The following FLYWCH1 variants were observed in gnomAD, a reference collection of about 807,000 sequenced individuals.
FLYWCH1 encodes the protein FLYWCH-type zinc finger-containing protein 1.
FLYWCH1 carries 75 observed loss-of-function variants against 66.4 expected under a neutral mutation model. The ratio of observed to expected loss-of-function variants is 1.13; its 90% CI spans 0.94 to 1.37. The LOEUF is 1.37. Ranked by LOEUF, FLYWCH1 falls within the 40% of genes most tolerant of loss-of-function variation. FLYWCH1 has a pLI of 0.00. For synonymous variants in FLYWCH1, 595 were observed against 429.9 expected, an observed-to-expected ratio of 1.38 and a Z score of -4.75; for missense variants, 1,334 against 1,001.8, an observed-to-expected ratio of 1.33 and a Z score of -4.48.
chr16:2,927,770 T>C (rs1171457773), intron 2 of FLYWCH1, among the ~76,000 whole-genome samples: 1 of 152,228 alleles, frequency 6.6e-6, no homozygotes, highest in Non-Finnish European at 1.5e-5. Flanking sequence ...CACCTATGGA[T>C]ATTTCTCGTC....
At position 2,929,745 on chromosome 16, in the gene FLYWCH1, A is replaced by G. The variant is rs1337165864; in HGVS notation, c.60A>G (p.Pro20=). The change falls in exon 3 of 10, where the codon CCA becomes CCG. Residue 20 remains proline (P), a synonymous_variant. Coordinates refer to ENST00000253928, the MANE Select transcript of FLYWCH1 (RefSeq NM_001308068.2). ...AGAGTGTGAAGGCCGGCCAGGAGCC[A>G]TCCCCCAAGCCAGGCACGGACGTCA... ...EGESVKAGQE[P]SPKPGTDVIP... 5 of 1,613,670 alleles carry G rather than the reference A, an allele frequency of 3.1e-6. No homozygotes were observed. Among genetic ancestry groups the G allele is most frequent in the African/African-American group, 1.3e-5 (1 of 74,896 alleles).
At chr16:2,946,424 C>T (rs1309218985) in intron 9 of FLYWCH1, among the ~76,000 whole-genome samples, 2 of 147,322 alleles carry the variant, frequency 1.4e-5, no homozygotes, top group African/African-American at 2.5e-5. Context: ...CAGGTTCAAG[C>T]GATTCTCCTC....
intron 2 of FLYWCH1, among the ~76,000 whole-genome samples, chr16:2,919,956 G>A (rs2070311746): frequency 6.6e-6 from 1 of 152,128 alleles, no homozygotes; most frequent in Non-Finnish European, 1.5e-5. Context: ...GTGGCCTCTG[G>A]TGGGGGCTTC....
At chr16:2,934,050 A>C in intron 6 of FLYWCH1, 71 bp downstream of exon 6, 3 of 1,431,698 alleles carry the variant, frequency 2.1e-6, no homozygotes, top group South Asian at 1.4e-5. Context: ...TTCCCTCTCC[A>C]TGCTGCGGCT....
chr16:2,919,552 C>T (rs1169223141), intron 2 of FLYWCH1, among the ~76,000 whole-genome samples: 1 of 152,104 alleles, frequency 6.6e-6, no homozygotes, highest in Non-Finnish European at 1.5e-5. Context: ...GCGTGAGCCA[C>T]CGCGTCTGGC....
At chr16:2,912,781 TG>T (rs1263220773) in intron 1 of FLYWCH1, among the ~76,000 whole-genome samples, 2 of 152,232 alleles carry the variant, frequency 1.3e-5, no homozygotes, top group Admixed American at 1.3e-4. Context: ...ATAACGGGTC[TG>T]ACGTAGTTGA....
In FLYWCH1 at chr16:2,934,462, C is replaced by T. The variant is rs138682529; in HGVS notation, c.1513+483C>T. 6.5e-4 allele frequency among the ~76,000 whole-genome samples: 99 copies of T among 152,352 alleles called. 1 individual carries two copies. The highest frequency in any genetic ancestry group is 2.4e-3 in the African/African-American group (98 of 41,586). On this transcript the variant is annotated intron_variant, in intron 6 of 9. Transcript: ENST00000253928. ...AACGCTGGCCCGAGGAGGGTCCCGG[C>T]TGTCTCCATCTTTATCCACACGGTC...
chr16:2,929,585 A>G (rs2070688268), intron 2 of FLYWCH1, 28 bp from the exon 3 acceptor site: 9 of 1,419,988 alleles, frequency 6.3e-6, no homozygotes, highest in Non-Finnish European at 8.4e-6. Context: ...GGCTTCCACC[A>G]CTGACGGGAT....
chr16:2,946,316 CTT>C (rs58279573), intron 9 of FLYWCH1, among the ~76,000 whole-genome samples: 20 of 75,546 alleles, frequency 2.6e-4, no homozygotes, highest in African/African-American at 5.2e-4. Context: ...GTGGGCTGTA[CTT>C]TTTTTTTTTT....
At chr16:2,919,057 T>G (rs950529676) in intron 2 of FLYWCH1, among the ~76,000 whole-genome samples, 1 of 151,454 alleles carries the variant, frequency 6.6e-6, no homozygotes. Context: ...TGCCTCCACC[T>G]CCCAAGTAGC....
Position 2,933,278 on chromosome 16 carries a change from G to A in FLYWCH1, c.945G>A (p.Arg315=), listed in dbSNP as rs1451537210. 1.9e-6 allele frequency: 3 copies of A among 1,612,278 alleles called. No individual in the cohort carries two copies. Among genetic ancestry groups the A allele is most frequent in the African/African-American group, 1.3e-5 (1 of 74,804 alleles). The change falls in exon 5 of 10, where the codon CGG becomes CGA. Residue 315 remains arginine, a synonymous_variant. Coordinates refer to ENST00000253928, the MANE Select transcript of FLYWCH1 (RefSeq NM_001308068.2). ...RDHALHGCRS[R]AITQGQRVTV... ...ACGCGCTGCACGGCTGCCGGAGCCG[G>A]GCCATCACCCAGGGACAGCGGGTGA... is the stretch of plus-strand genomic sequence containing the variant.
chr16:2,937,797 G>C (rs1317094153), intron 7 of FLYWCH1, among the ~76,000 whole-genome samples: 1 of 148,884 alleles, frequency 6.7e-6, no homozygotes, highest in Non-Finnish European at 1.5e-5. Context: ...AGTTCAGCTT[G>C]TTAAAAGTCA....
chr16:2,931,813 C>G (rs1382054951), intron 4 of FLYWCH1, among the ~76,000 whole-genome samples: 3 of 151,232 alleles, frequency 2.0e-5, no homozygotes, highest in Non-Finnish European at 2.9e-5. Flanking sequence ...ACTAAAGATA[C>G]AAAAAACTAG....
Position 2,930,656 on chromosome 16 carries a change from C to G in FLYWCH1, c.572C>G (p.Pro191Arg). The change falls in exon 4 of 10, where the codon CCC (proline) becomes CGC (arginine). Residue 191 changes from proline (P) to arginine (R), a missense_variant. Transcript: ENST00000253928. ...LEARRQREKL[P>R]SLALPEGLGE... Reference sequence around the variant, plus strand: ...GCCCGGCGCCAGAGGGAGAAACTGCCCAGCCTGGCCCTGCCAGAGGGCTTG... The same window carrying G: ...GCCCGGCGCCAGAGGGAGAAACTGCGCAGCCTGGCCCTGCCAGAGGGCTTG... 2 of 1,546,342 alleles carry G rather than the reference C, an allele frequency of 1.3e-6. No homozygotes were observed. Among genetic ancestry groups the G allele is most frequent in the Non-Finnish European group, 1.7e-6 (2 of 1,147,104 alleles).
intron 7 of FLYWCH1, among the ~76,000 whole-genome samples, chr16:2,937,748 G>A (rs951987891): frequency 2.6e-5 from 4 of 152,044 alleles, no homozygotes; most frequent in Admixed American, 6.5e-5. Flanking sequence ...CTAGTCTCAC[G>A]GGGTTCTCTC....
intron 2 of FLYWCH1, among the ~76,000 whole-genome samples, chr16:2,914,655 T>C (rs2070105090): frequency 6.6e-6 from 1 of 151,994 alleles, no homozygotes; most frequent in East Asian, 1.9e-4. Context: ...TCCCAGCACT[T>C]TGGGAGGCTG....
At position 2,950,979 on chromosome 16, in the gene FLYWCH1, C is replaced by T. The variant is rs2071647657; in HGVS notation, c.*2252C>T. The T allele has an allele frequency of 6.6e-6, 1 of 152,318 alleles. No individual in the cohort carries two copies. The highest frequency in any genetic ancestry group is 1.5e-5 in the Non-Finnish European group (1 of 68,088). 9.4% of individuals were successfully genotyped at this position (152,318 alleles called of 1,614,324 possible). On this transcript the variant is annotated 3_prime_UTR_variant, in exon 10 of 10. Coordinates refer to ENST00000253928, the MANE Select transcript of FLYWCH1 (RefSeq NM_001308068.2). ...GGCCACCAGATGTCGCCTGCCCAGT[C>T]ACTGTCACAGAGTTAAAGCGTGCGG...
rs1227816755 is a variant in FLYWCH1, at chr16:2,927,978, A to G, written c.-73-1635A>G. ...AGGGCAACAGGGTGATGGTGGGGAG[A>G]AGGTCAGCAGGGAAACATGTGAGCA... On this transcript the variant is annotated intron_variant, in intron 2 of 9. Transcript: ENST00000253928. Among the ~76,000 whole-genome samples, 3 of 152,098 alleles carry G rather than the reference A, an allele frequency of 2.0e-5. No homozygotes were observed. The East Asian group carries it at 5.8e-4, about 29-fold the overall frequency.
chr16:2,928,788 C>T (rs944484165), intron 2 of FLYWCH1: 1 of 152,364 alleles, frequency 6.6e-6, no homozygotes, highest in Non-Finnish European at 1.5e-5. Flanking sequence ...CAGCCCTGTG[C>T]TGGTTCCCCA....
Sources: gnomAD v4.1 joint callset for allele counts (sites outside exome capture counted in the v4.1 genomes callset) on GRCh38, gnomAD v4.1.1 for gene constraint, MANE v1.5 for transcripts, NCBI Gene and HGNC (gene_info 2026-07-23, HGNC 2026-07-21) for gene names.